Variants in AFG2A observed in about 807,000 individuals in gnomAD.
The protein encoded by AFG2A is ATPase family gene 2 protein homolog A.
chr4:123,148,789 GAC>G, the AFG2A span, among the ~76,000 whole-genome samples: 881 of 133,984 alleles, frequency 6.6e-3, 13 homozygotes, highest in African/African-American at 0.022. Flanking sequence ...TTTTTTTTGA[GAC>G]AGAGTCTCGC....
At chr4:123,105,711 A>C in the AFG2A span, among the ~76,000 whole-genome samples, 1 of 152,202 alleles carries the variant, frequency 6.6e-6, no homozygotes, top group Non-Finnish European at 1.5e-5. Context: ...ACTACAGATA[A>C]GGTAGATACA....
the AFG2A span, among the ~76,000 whole-genome samples, chr4:123,011,664 A>C: frequency 6.6e-6 from 1 of 152,216 alleles, no homozygotes; most frequent in African/African-American, 2.4e-5. Flanking sequence ...TATTGGGGTC[A>C]AGCGGTGTTG....
the AFG2A span, among the ~76,000 whole-genome samples, chr4:123,241,349 A>G: frequency 6.6e-6 from 1 of 152,260 alleles, no homozygotes; most frequent in Non-Finnish European, 1.5e-5. Context: ...TTTTAGACCA[A>G]TATCCCTGAT....
the AFG2A span, among the ~76,000 whole-genome samples, chr4:122,929,803 T>C: frequency 6.6e-6 from 1 of 152,206 alleles, no homozygotes; most frequent in Non-Finnish European, 1.5e-5. Flanking sequence ...CAGTTTGGAC[T>C]AGCCCCATTT....
At chr4:123,261,806 G>T in the AFG2A span, among the ~76,000 whole-genome samples, 2 of 152,056 alleles carry the variant, frequency 1.3e-5, no homozygotes, top group East Asian at 3.9e-4. Flanking sequence ...TAGAGACAGG[G>T]TCTCATTCTA....
the AFG2A span, among the ~76,000 whole-genome samples, chr4:123,313,303 A>C: frequency 6.6e-6 from 1 of 152,298 alleles, no homozygotes; most frequent in East Asian, 1.9e-4. Context: ...GCAGCTCTCC[A>C]AAGTAAATGT....
the AFG2A span, among the ~76,000 whole-genome samples, chr4:122,937,570 C>T: frequency 6.6e-6 from 1 of 152,218 alleles, no homozygotes. Flanking sequence ...GTTTGTAGTC[C>T]TAGTACTGTA....
chr4:123,279,372 G>A, the AFG2A span, among the ~76,000 whole-genome samples: 7 of 151,464 alleles, frequency 4.6e-5, no homozygotes, highest in East Asian at 3.9e-4. Context: ...ATCATGCCAC[G>A]GCACTCCAGC....
the AFG2A span, among the ~76,000 whole-genome samples, chr4:123,009,655 T>G: frequency 1.3e-5 from 2 of 152,176 alleles, no homozygotes; most frequent in African/African-American, 4.8e-5. Flanking sequence ...TTGATGGCCT[T>G]GACGATTTTA....
chr4:123,165,678 A>G, the AFG2A span, among the ~76,000 whole-genome samples: 1 of 152,148 alleles, frequency 6.6e-6, no homozygotes, highest in African/African-American at 2.4e-5. Flanking sequence ...TTTTATATCC[A>G]TATAAATTCG....
the AFG2A span, among the ~76,000 whole-genome samples, chr4:123,131,995 A>G: frequency 7.4e-6 from 1 of 135,830 alleles, no homozygotes; most frequent in East Asian, 2.2e-4. Context: ...TTTTGATAGT[A>G]TGTATCCTAA....
chr4:123,186,229 A>G, the AFG2A span, among the ~76,000 whole-genome samples: 1 of 152,364 alleles, frequency 6.6e-6, no homozygotes, highest in South Asian at 2.1e-4. Context: ...TATTTTGGAA[A>G]TAGATCATTT....
chr4:122,969,520 T>A, the AFG2A span, among the ~76,000 whole-genome samples: 1,760 of 152,220 alleles, frequency 0.012, 14 homozygotes, highest in Middle Eastern at 0.078. Context: ...GATATTTTTT[T>A]AAAAAAATGG....
At chr4:123,034,225 C>T in the AFG2A span, among the ~76,000 whole-genome samples, 1 of 151,976 alleles carries the variant, frequency 6.6e-6, no homozygotes, top group African/African-American at 2.4e-5. Flanking sequence ...AGGCTGACTA[C>T]AGGACTTGAG....
the AFG2A span, among the ~76,000 whole-genome samples, chr4:123,004,571 T>G: frequency 1.3e-5 from 2 of 152,254 alleles, no homozygotes; most frequent in Non-Finnish European, 2.9e-5. Flanking sequence ...CTTGTAGTCC[T>G]GGAATGAACT....
chr4:123,045,153 GT>G, the AFG2A span, among the ~76,000 whole-genome samples: 3 of 148,220 alleles, frequency 2.0e-5, no homozygotes, highest in East Asian at 5.9e-4. Flanking sequence ...TTTCTCCAAT[GT>G]TTTTATATTT....
chr4:123,041,496 C>T, the AFG2A span, among the ~76,000 whole-genome samples: 1 of 151,618 alleles, frequency 6.6e-6, no homozygotes, highest in African/African-American at 2.4e-5. Context: ...TAATCTATTA[C>T]TCTGAAACAG....
At chr4:123,055,466 T>C in the AFG2A span, among the ~76,000 whole-genome samples, 1 of 152,158 alleles carries the variant, frequency 6.6e-6, no homozygotes, top group African/African-American at 2.4e-5. Flanking sequence ...ATATGGTGTT[T>C]TATATGAAGC....
the AFG2A span, among the ~76,000 whole-genome samples, chr4:123,224,692 G>T: frequency 2.0e-5 from 3 of 152,114 alleles, no homozygotes; most frequent in Admixed American, 2.0e-4. Flanking sequence ...TGTCTTTATA[G>T]CAGCATGATT....
Sources: allele counts gnomAD v4.1 joint callset (sites outside exome capture counted in the v4.1 genomes callset), GRCh38; gene constraint gnomAD v4.1.1; transcripts MANE v1.5; gene names NCBI Gene and HGNC (gene_info 2026-07-23, HGNC 2026-07-21).